OPCML: variants seen among roughly 807,000 people sequenced by gnomAD.
The protein encoded by OPCML is opioid-binding protein/cell adhesion molecule.
A neutral mutation model predicts 37.8 loss-of-function variants in OPCML; 13 were observed. The observed-to-expected ratio is 0.34, with a 90% CI of 0.22 to 0.55. The LOEUF is 0.55. Among genes scored for constraint, OPCML ranks in the 20% least tolerant of loss-of-function variants. The pLI is 0.91. For synonymous variants in OPCML, 176 were observed against 168.8 expected (o/e 1.04, Z -0.33); for missense variants, 341 against 435.6 (o/e 0.78, Z 1.93).
At chr11:132,760,930 C>T (rs1946238854) in intron 2 of OPCML, among the ~76,000 whole-genome samples, 1 of 152,168 alleles carries the variant, frequency 6.6e-6, no homozygotes, top group Non-Finnish European at 1.5e-5. Flanking sequence ...TGTGCAGTGG[C>T]TGGTACCAGT....
At chr11:133,507,773 C>T (rs1253912892) in intron 1 of OPCML, among the ~76,000 whole-genome samples, 3 of 151,976 alleles carry the variant, frequency 2.0e-5, no homozygotes, top group Non-Finnish European at 4.4e-5. Flanking sequence ...GGTGAAACCC[C>T]ATATCTACTA....
chr11:133,413,887 A>C (rs1945703936), intron 1 of OPCML, among the ~76,000 whole-genome samples: 3 of 152,182 alleles, frequency 2.0e-5, no homozygotes. Flanking sequence ...GAGAAGGCGG[A>C]GAGCCCTGGA....
At chr11:132,479,364 G>T (rs148619690) in intron 4 of OPCML, among the ~76,000 whole-genome samples, 1 of 152,186 alleles carries the variant, frequency 6.6e-6, no homozygotes, top group South Asian at 2.1e-4. Flanking sequence ...CACGTGGCTC[G>T]GAGGGTCCTA....
At chr11:133,518,345 G>A (rs924783274) in intron 1 of OPCML, among the ~76,000 whole-genome samples, 1 of 150,922 alleles carries the variant, frequency 6.6e-6, no homozygotes, top group African/African-American at 2.5e-5. Context: ...GGGTGTGTTT[G>A]TGCTCATATG....
chr11:133,344,579 C>G (rs1943953731), intron 1 of OPCML, among the ~76,000 whole-genome samples: 1 of 152,170 alleles, frequency 6.6e-6, no homozygotes, highest in African/African-American at 2.4e-5. Context: ...TCACATGTGG[C>G]ATGCTGGCCA....
At chr11:132,998,283 A>G (rs1267975429) in intron 1 of OPCML, among the ~76,000 whole-genome samples, 1 of 152,152 alleles carries the variant, frequency 6.6e-6, no homozygotes, top group Non-Finnish European at 1.5e-5. Context: ...AGCTGAGTGC[A>G]TTGAGCAGAG....
intron 2 of OPCML, among the ~76,000 whole-genome samples, chr11:132,658,643 G>A (rs534795617): frequency 6.6e-6 from 1 of 152,346 alleles, no homozygotes; most frequent in Admixed American, 6.5e-5. Flanking sequence ...TTTAGCCGCT[G>A]AGAAGTTGGG....
chr11:132,755,593 G>A (rs1946011522), intron 2 of OPCML, among the ~76,000 whole-genome samples: 1 of 152,128 alleles, frequency 6.6e-6, no homozygotes, highest in African/African-American at 2.4e-5. Flanking sequence ...TATATTCTAA[G>A]TGAAAAAATA....
chr11:133,104,250 G>A (rs1157177613), intron 1 of OPCML, among the ~76,000 whole-genome samples: 1 of 152,196 alleles, frequency 6.6e-6, no homozygotes, highest in Non-Finnish European at 1.5e-5. Context: ...TTCCATGGCA[G>A]GCAGGCAGCA....
In OPCML at chr11:133,049,362, G is replaced by A. The variant is rs536178079; in HGVS notation, c.62-106352C>T. On this transcript the variant is annotated intron_variant, in intron 1 of 7. Transcript: ENST00000524381. ...TCTACTGAGCAAGCTGTCTCTTATCGCGGGCAGCCTGGGGTAGTGGAGTGA... is the reference window on the plus strand; with the variant it reads ...TCTACTGAGCAAGCTGTCTCTTATCACGGGCAGCCTGGGGTAGTGGAGTGA... Among the ~76,000 whole-genome samples, 7 of 152,202 alleles carry A rather than the reference G, an allele frequency of 4.6e-5. No homozygotes were observed. The South Asian group carries it at 6.2e-4, about 14-fold the overall frequency.
chr11:133,474,728 GC>G (rs151117021), intron 1 of OPCML, among the ~76,000 whole-genome samples: 3,345 of 152,298 alleles, frequency 0.022, 83 homozygotes, highest in South Asian at 0.078. Context: ...CCAAGACTTG[GC>G]CTGAACCTAC....
intron 7 of OPCML, among the ~76,000 whole-genome samples, chr11:132,428,840 T>C (rs1005998407): frequency 6.6e-6 from 1 of 152,218 alleles, no homozygotes; most frequent in Admixed American, 6.5e-5. Flanking sequence ...TAAAGCCATG[T>C]GTGGCTGACA....
intron 1 of OPCML, among the ~76,000 whole-genome samples, chr11:133,050,937 C>T (rs1039999791): frequency 7.9e-5 from 12 of 152,104 alleles, no homozygotes; most frequent in African/African-American, 2.9e-4. Context: ...TCTTCTCAAA[C>T]TTGCGAGACA....
chr11:132,441,492 T>C (rs1202303813), intron 4 of OPCML, among the ~76,000 whole-genome samples: 1 of 152,190 alleles, frequency 6.6e-6, no homozygotes, highest in Non-Finnish European at 1.5e-5. Context: ...TTAAAAAGGC[T>C]GTAAGACTGC....
chr11:132,781,843 C>G (rs1222762446), intron 2 of OPCML, among the ~76,000 whole-genome samples: 1 of 150,962 alleles, frequency 6.6e-6, no homozygotes, highest in East Asian at 1.9e-4. Flanking sequence ...ATTTAACACC[C>G]TCAGAGACCA....
At chr11:132,805,090 T>C (rs1217250407) in intron 2 of OPCML, among the ~76,000 whole-genome samples, 2 of 152,056 alleles carry the variant, frequency 1.3e-5, no homozygotes, top group East Asian at 1.9e-4. Flanking sequence ...ATTGAAACGA[T>C]AGAAACAGAA....
intron 1 of OPCML, among the ~76,000 whole-genome samples, chr11:132,996,353 C>A (rs1037740958): frequency 3.3e-5 from 5 of 151,788 alleles, no homozygotes; most frequent in African/African-American, 1.2e-4. Flanking sequence ...GGTACAGTGG[C>A]TCATGCCTGT....
At chr11:132,949,943 G>C (rs1375411849) in intron 1 of OPCML, among the ~76,000 whole-genome samples, 1 of 152,030 alleles carries the variant, frequency 6.6e-6, no homozygotes, top group African/African-American at 2.4e-5. Context: ...AATAGCCAGG[G>C]GAAGCCTCTC....
intron 3 of OPCML, among the ~76,000 whole-genome samples, chr11:132,635,048 T>C (rs994195578): frequency 6.6e-6 from 1 of 152,122 alleles, no homozygotes; most frequent in Non-Finnish European, 1.5e-5. Flanking sequence ...TGTTTGGAAA[T>C]CCAATATCAT....
Sources: gnomAD v4.1 joint callset for allele counts (sites outside exome capture counted in the v4.1 genomes callset) on GRCh38, gnomAD v4.1.1 for gene constraint, MANE v1.5 for transcripts, NCBI Gene and HGNC (gene_info 2026-07-23, HGNC 2026-07-21) for gene names.